MGAT5: variants seen among roughly 807,000 people sequenced by gnomAD.
MGAT5 encodes alpha-1,6-mannosylglycoprotein 6-beta-N-acetylglucosaminyltransferase A.
A neutral mutation model predicts 94.3 loss-of-function variants in MGAT5; 30 were observed. That is an observed-to-expected ratio of 0.32 (90% CI 0.24 to 0.43). The LOEUF (loss-of-function observed/expected upper bound fraction) is 0.43. MGAT5 is among the 20% of genes least tolerant of loss of function. The pLI is 1.00. For missense variants in MGAT5, 691 were observed against 905.5 expected, an observed-to-expected ratio of 0.76 and a Z score of 3.04; for synonymous variants, 310 against 322.9, an observed-to-expected ratio of 0.96 and a Z score of 0.43.
At chr2:134,172,350 A>G (rs1482810190) in intron 1 of MGAT5, among the ~76,000 whole-genome samples, 1 of 150,984 alleles carries the variant, frequency 6.6e-6, no homozygotes, top group Non-Finnish European at 1.5e-5. Flanking sequence ...AGCATATTTT[A>G]TGGAGGAAGG....
intron 2 of MGAT5, among the ~76,000 whole-genome samples, chr2:134,313,980 T>C (rs115358554): frequency 0.035 from 5,271 of 152,270 alleles, 275 homozygotes; most frequent in African/African-American, 0.11. Context: ...GGTAGGAAGG[T>C]CCTCCATGGA....
chr2:134,248,348 G>A (rs953829355), intron 1 of MGAT5, among the ~76,000 whole-genome samples: 3 of 152,200 alleles, frequency 2.0e-5, no homozygotes, highest in East Asian at 1.9e-4. Flanking sequence ...CCCCATAGGC[G>A]AGATGAAACG....
At chr2:134,357,201 G>A (rs1300765008) in intron 9 of MGAT5, among the ~76,000 whole-genome samples, 3 of 152,204 alleles carry the variant, frequency 2.0e-5, no homozygotes, top group Non-Finnish European at 4.4e-5. Context: ...GAAGGAGACT[G>A]TTGTACAAAT....
At chr2:134,234,529 G>A (rs1159667379) in intron 1 of MGAT5, among the ~76,000 whole-genome samples, 1 of 152,202 alleles carries the variant, frequency 6.6e-6, no homozygotes, top group East Asian at 1.9e-4. Context: ...GTGACCAACG[G>A]GGACAAGTTT....
At chr2:134,378,803 A>T (rs895706439) in intron 10 of MGAT5, among the ~76,000 whole-genome samples, 1 of 151,912 alleles carries the variant, frequency 6.6e-6, no homozygotes, top group African/African-American at 2.4e-5. Context: ...TTTAATAGAG[A>T]TGGGGTTTTG....
At chr2:134,259,447 T>A (rs1683184391) in intron 1 of MGAT5, among the ~76,000 whole-genome samples, 1 of 152,224 alleles carries the variant, frequency 6.6e-6, no homozygotes, top group South Asian at 2.1e-4. Flanking sequence ...TGTTCTCTAA[T>A]GAACAGTAAT....
Position 134,422,838 on chromosome 2 carries a change from C to G in MGAT5, c.1713C>G (p.Ile571Met), listed in dbSNP as rs370001995. The change falls in exon 13 of 16, where the codon ATC (isoleucine) becomes ATG (methionine). Residue 571 changes from isoleucine (I) to methionine (M), a missense_variant. Ile to Met is a conservative substitution (Grantham distance 10, BLOSUM62 1). Coordinates refer to ENST00000281923, the MANE Select transcript of MGAT5 (RefSeq NM_002410.5). ...TSQHPYAEVFIGRPHVWTVDL... is the reference protein window; with the variant it reads ...TSQHPYAEVFMGRPHVWTVDL... Reference sequence around the variant, plus strand: ...AGCATCCTTACGCTGAAGTTTTCATCGGGCGGCCACATGTGTGGACTGTTG... The same window carrying G: ...AGCATCCTTACGCTGAAGTTTTCATGGGGCGGCCACATGTGTGGACTGTTG... 1.9e-6 allele frequency: 3 copies of G among 1,613,866 alleles called. No homozygotes were observed. Among genetic ancestry groups the G allele is most frequent in the Non-Finnish European group, 2.5e-6 (3 of 1,179,804 alleles).
In MGAT5 at chr2:134,322,604, T is replaced by C. The variant is rs1687399713; in HGVS notation, c.573+3865T>C. On this transcript the variant is annotated intron_variant, in intron 4 of 15. Coordinates refer to ENST00000281923, the MANE Select transcript of MGAT5 (RefSeq NM_002410.5). Reference sequence around the variant, plus strand: ...GCACCCTACCATTGTTAATGTGAGATTAGTAGAGATGTTTTGTAAAACCGA... The same window carrying C: ...GCACCCTACCATTGTTAATGTGAGACTAGTAGAGATGTTTTGTAAAACCGA... Among the ~76,000 whole-genome samples, 3 of 152,166 alleles carry C rather than the reference T, an allele frequency of 2.0e-5. No homozygotes were observed. The South Asian group carries it at 6.2e-4, about 31-fold the overall frequency.
chr2:134,284,042 C>T (rs1171939750), intron 2 of MGAT5, among the ~76,000 whole-genome samples: 4 of 152,180 alleles, frequency 2.6e-5, no homozygotes, highest in African/African-American at 9.7e-5. Flanking sequence ...CTGAGACCTT[C>T]AGCACATCAC....
At chr2:134,173,075 C>T (rs1418691715) in intron 1 of MGAT5, among the ~76,000 whole-genome samples, 6 of 152,116 alleles carry the variant, frequency 3.9e-5, no homozygotes, top group Non-Finnish European at 7.4e-5. Context: ...AGAGTTTGTC[C>T]CACTGGGAGA....
chr2:134,305,360 G>T (rs188507719), intron 2 of MGAT5, among the ~76,000 whole-genome samples: 274 of 152,260 alleles, frequency 1.8e-3, no homozygotes, highest in African/African-American at 6.4e-3. Flanking sequence ...CTAACCAACA[G>T]CTATAAGACG....
At chr2:134,413,128 A>G (rs2289464) in intron 12 of MGAT5, 113 bp downstream of exon 12, 120,516 of 1,235,864 alleles carry the variant, frequency 0.098, 8,771 homozygotes, top group East Asian at 0.31. Flanking sequence ...GGGTGAGGGT[A>G]TAGAGGCTCA....
intron 1 of MGAT5, among the ~76,000 whole-genome samples, chr2:134,142,558 A>G (rs62165679): frequency 0.11 from 17,467 of 152,240 alleles, 1,141 homozygotes; most frequent in East Asian, 0.2. Flanking sequence ...GAACTGAGGC[A>G]CAGAGGGGCA....
At chr2:134,331,876 T>A (rs1422688584) in intron 4 of MGAT5, among the ~76,000 whole-genome samples, 1 of 152,074 alleles carries the variant, frequency 6.6e-6, no homozygotes, top group Admixed American at 6.5e-5. Flanking sequence ...AAGGACCTCT[T>A]CAAGGAGAAC....
At chr2:134,319,909 T>C in intron 4 of MGAT5, 1 of 251,006 alleles carries the variant, frequency 4.0e-6, no homozygotes, top group Non-Finnish European at 8.1e-6. Context: ...AGCTCTTATC[T>C]TTTAGAGCAC....
At chr2:134,141,932 G>A (rs1573732230) in intron 1 of MGAT5, among the ~76,000 whole-genome samples, 1 of 152,184 alleles carries the variant, frequency 6.6e-6, no homozygotes, top group South Asian at 2.1e-4. Context: ...GGCAGATTTG[G>A]TTTTCAGATG....
At chr2:134,133,628 G>A (rs999494639) in intron 1 of MGAT5, among the ~76,000 whole-genome samples, 1 of 152,142 alleles carries the variant, frequency 6.6e-6, no homozygotes, top group Non-Finnish European at 1.5e-5. Context: ...TAGATTCATT[G>A]CACACATCAA....
intron 10 of MGAT5, among the ~76,000 whole-genome samples, chr2:134,390,841 C>A (rs1682357146): frequency 6.6e-6 from 1 of 152,140 alleles, no homozygotes; most frequent in African/African-American, 2.4e-5. Flanking sequence ...GGGCCTAGGT[C>A]TCCACTGAAG....
chr2:134,255,980 G>A (rs868703962), intron 1 of MGAT5, among the ~76,000 whole-genome samples: 20 of 152,166 alleles, frequency 1.3e-4, no homozygotes, highest in Non-Finnish European at 5.9e-5. Flanking sequence ...GTGTGTGTGT[G>A]TATGTGTATA....
Sources: gnomAD v4.1 joint callset for allele counts (sites outside exome capture counted in the v4.1 genomes callset) on GRCh38, gnomAD v4.1.1 for gene constraint, MANE v1.5 for transcripts, NCBI Gene and HGNC (gene_info 2026-07-23, HGNC 2026-07-21) for gene names.